Variants in ABCB1 observed in about 807,000 individuals in gnomAD.
ABCB1 encodes the protein ATP binding cassette subfamily B member 1.
In ABCB1, 69 loss-of-function variants were observed where a neutral mutation model predicts 142.0. The ratio of observed to expected loss-of-function variants is 0.49; its 90% confidence interval spans 0.40 to 0.59. The LOEUF (loss-of-function observed/expected upper bound fraction) is 0.59. Among genes scored for constraint, ABCB1 ranks in the 20% least tolerant of loss-of-function variants. The pLI is 0.00. For missense variants in ABCB1, 1,326 were observed against 1,554.7 expected (o/e 0.85, Z 2.47); for synonymous variants, 532 against 539.2 (o/e 0.99, Z 0.18).
chr7:87,604,707 C>T (rs1819584667), upstream of ABCB1, among the ~76,000 whole-genome samples: 1 of 152,034 alleles, frequency 6.6e-6, no homozygotes, highest in East Asian at 1.9e-4. Flanking sequence ...AATACAGCAA[C>T]AGACATGAGT....
chr7:87,575,874 G>A (rs897271623), intron 4 of ABCB1, among the ~76,000 whole-genome samples: 2 of 152,286 alleles, frequency 1.3e-5, no homozygotes, highest in Non-Finnish European at 1.5e-5. Context: ...GCTGGCATTT[G>A]CTTCCAATTT....
chr7:87,645,968 T>G (rs956901558), intron 1 of ABCB1, among the ~76,000 whole-genome samples: 6 of 152,222 alleles, frequency 3.9e-5, no homozygotes, highest in Non-Finnish European at 8.8e-5. Context: ...TTACTGACTT[T>G]GATATAATAG....
intron 21 of ABCB1, among the ~76,000 whole-genome samples, chr7:87,525,222 G>A (rs375322707): frequency 6.6e-6 from 1 of 152,094 alleles, no homozygotes; most frequent in Non-Finnish European, 1.5e-5. Context: ...AAATAGCATC[G>A]AGTTTCCCTC....
chr7:87,599,650 T>G (rs1483232745), intron 2 of ABCB1, among the ~76,000 whole-genome samples: 1 of 152,170 alleles, frequency 6.6e-6, no homozygotes, highest in South Asian at 2.1e-4. Flanking sequence ...GGTGAATGAC[T>G]AAGAACGGTT....
At position 87,504,584 on chromosome 7, in the gene ABCB1, A is replaced by G. The variant is rs529041425; in HGVS notation, c.3637-135T>C. Reference sequence around the variant, plus strand: ...AGCACTTTGGGAGGCCAAGGCGGGCAGATCACAAGGTCAGATTGAGACCAT... The same window carrying G: ...AGCACTTTGGGAGGCCAAGGCGGGCGGATCACAAGGTCAGATTGAGACCAT... On this transcript the variant is annotated intron_variant, in intron 27 of 27. Coordinates refer to ENST00000622132, the MANE Select transcript of ABCB1 (RefSeq NM_001348946.2). The G allele has an allele frequency of 1.0e-3, 1,216 of 1,163,912 alleles. 8 individuals carry two copies. In the African/African-American group the frequency reaches 0.012, roughly 12 times the overall value. 72.1% of individuals were successfully genotyped at this position (1,163,912 alleles called of 1,614,324 possible). A position where few individuals can be genotyped will look rare whatever the true frequency, so the allele number is the denominator to read the frequency against.
intron 1 of ABCB1, among the ~76,000 whole-genome samples, chr7:87,622,451 CTT>C (rs1209708534): frequency 1.3e-5 from 2 of 152,020 alleles, no homozygotes; most frequent in Non-Finnish European, 2.9e-5. Context: ...TGCAAGAAAA[CTT>C]ATGTACTGTT....
intron 1 of ABCB1, among the ~76,000 whole-genome samples, chr7:87,639,263 T>C (rs185712764): frequency 1.3e-5 from 2 of 152,156 alleles, no homozygotes; most frequent in South Asian, 2.1e-4. Flanking sequence ...GCAGAGAACA[T>C]ATTCTGAAAG....
chr7:87,563,137 C>T (rs1361515841), intron 7 of ABCB1, among the ~76,000 whole-genome samples: 1 of 152,014 alleles, frequency 6.6e-6, no homozygotes, highest in Admixed American at 6.6e-5. Flanking sequence ...CTGAACAGAC[C>T]AATAAAGAGT....
intron 1 of ABCB1, among the ~76,000 whole-genome samples, chr7:87,694,906 T>C (rs1828367750): frequency 6.6e-6 from 1 of 152,190 alleles, no homozygotes; most frequent in East Asian, 1.9e-4. Flanking sequence ...GACTAATTGT[T>C]ATGGCATAGA....
rs552192080 is a variant in ABCB1, at chr7:87,652,136, A to G, written c.-330-51058T>C. On this transcript the variant is annotated intron_variant, in intron 1 of 28. Transcript: ENST00000265724. ...TAAATTTATAAACAATGCCTAACTA[A>G]AAAGCATATGGAATAGAATAGACTC... 3.3e-3 allele frequency among the ~76,000 whole-genome samples: 507 copies of G among 152,260 alleles called. 5 individuals are homozygous for G. The highest frequency in any genetic ancestry group is 0.012 in the African/African-American group (488 of 41,572).
At chr7:87,690,468 GA>G (rs1418687859) in intron 1 of ABCB1, among the ~76,000 whole-genome samples, 1 of 152,070 alleles carries the variant, frequency 6.6e-6, no homozygotes, top group Non-Finnish European at 1.5e-5. Flanking sequence ...TTGTTTCTAA[GA>G]TGTTAATACC....
intron 3 of ABCB1, among the ~76,000 whole-genome samples, chr7:87,587,757 C>T (rs539581408): frequency 1.3e-5 from 2 of 151,880 alleles, no homozygotes; most frequent in South Asian, 4.2e-4. Context: ...CGCCTGTAAT[C>T]CCAGCTACTC....
chr7:87,585,558 T>C lies in ABCB1; in HGVS notation c.240A>G (p.Ala80=). 6.2e-7 allele frequency: 1 copy of C among 1,614,004 alleles called. No homozygotes were observed. The highest frequency in any genetic ancestry group is 1.1e-5 in the South Asian group (1 of 91,086). Residue 80 remains alanine (A), a synonymous_variant, in exon 4 of 28, where the codon GCA becomes GCG. Coordinates refer to ENST00000622132, the MANE Select transcript of ABCB1 (RefSeq NM_001348946.2). ...TCAGATCTTCTAAATTTCCTGCATTTGCAAAGATATCTGTCATTTCTCCAA... is the reference window on the plus strand; with the variant it reads ...TCAGATCTTCTAAATTTCCTGCATTCGCAAAGATATCTGTCATTTCTCCAA... ...LVFGEMTDIF[A]NAGNLEDLMS... is the part of the protein sequence containing the mutation.
intron 21 of ABCB1, chr7:87,522,175 G>A: frequency 1.4e-6 from 2 of 1,449,562 alleles, no homozygotes; most frequent in South Asian, 2.3e-5. Flanking sequence ...TGGATATAGT[G>A]GCAGTGGGGA....
chr7:87,700,746 A>G (rs565848751), intron 1 of ABCB1, among the ~76,000 whole-genome samples: 1 of 152,218 alleles, frequency 6.6e-6, no homozygotes, highest in Non-Finnish European at 1.5e-5. Flanking sequence ...GTTCAGCAGA[A>G]CCCTGAAGAT....
chr7:87,678,676 A>T (rs934099205), intron 1 of ABCB1, among the ~76,000 whole-genome samples: 5 of 152,196 alleles, frequency 3.3e-5, no homozygotes, highest in African/African-American at 1.2e-4. Flanking sequence ...AAAAGGACTC[A>T]ATATATACAG....
intron 4 of ABCB1, among the ~76,000 whole-genome samples, chr7:87,574,564 T>C (rs1356507427): frequency 6.6e-6 from 1 of 152,218 alleles, no homozygotes; most frequent in Admixed American, 6.5e-5. Flanking sequence ...TGCTCACTTC[T>C]GTGTAGCCCT....
At chr7:87,537,216 G>A (rs1282957653) in intron 19 of ABCB1, among the ~76,000 whole-genome samples, 4 of 152,138 alleles carry the variant, frequency 2.6e-5, no homozygotes, top group Admixed American at 6.5e-5. Flanking sequence ...TGGAGTAGAC[G>A]GTGTATTGGA....
Position 87,531,467 on chromosome 7 carries a change from G to T in ABCB1, c.2512C>A (p.Gln838Lys). ...AIGSRLAVITQNIANLGTGII... is the reference protein window; with the variant it reads ...AIGSRLAVITKNIANLGTGII... ...CCTGTCCCAAGATTTGCTATATTCT[G>T]GGTAATTACAGCAAGCCTGGAACCT... The change falls in exon 21 of 28, where the codon CAG becomes AAG. Residue 838 changes from glutamine to lysine, a missense_variant. By Grantham distance (53) the Gln-to-Lys change is moderately conservative. Coordinates refer to ENST00000622132, the MANE Select transcript of ABCB1 (RefSeq NM_001348946.2). The T allele has an allele frequency of 2.5e-6, 4 of 1,613,132 alleles. No homozygotes were observed. Among genetic ancestry groups the T allele is most frequent in the Non-Finnish European group, 3.4e-6 (4 of 1,179,598 alleles).
Sources: gnomAD v4.1 joint callset for allele counts (sites outside exome capture counted in the v4.1 genomes callset) on GRCh38, gnomAD v4.1.1 for gene constraint, MANE v1.5 for transcripts, NCBI Gene and HGNC (gene_info 2026-07-23, HGNC 2026-07-21) for gene names.